TANC1: variants seen among roughly 807,000 people sequenced by gnomAD.
TANC1 encodes protein TANC1.
Under a neutral mutation model 149.7 loss-of-function variants are expected in TANC1, and 77 were observed. That is an observed-to-expected ratio of 0.51 (90% CI 0.43 to 0.62). The LOEUF (loss-of-function observed/expected upper bound fraction) is 0.62, where lower values mean the gene tolerates loss of function less well. Among genes scored for constraint, TANC1 ranks in the 20% least tolerant of loss-of-function variants. The probability of loss-of-function intolerance (pLI) is 0.00; values close to 1 mark genes in which losing one functional copy is unlikely to be tolerated. For synonymous variants in TANC1, 854 were observed against 925.0 expected, an observed-to-expected ratio of 0.92 and a Z score of 1.39; for missense variants, 1,985 against 2,321.8, an observed-to-expected ratio of 0.85 and a Z score of 2.98.
chr2:159,116,610 A>G (rs2048294724), intron 4 of TANC1, among the ~76,000 whole-genome samples: 1 of 152,208 alleles, frequency 6.6e-6, no homozygotes, highest in Non-Finnish European at 1.5e-5. Context: ...TAACTCTGCC[A>G]TCGTAGTACA....
At chr2:159,223,093 A>C (rs896475474) in intron 22 of TANC1, among the ~76,000 whole-genome samples, 2 of 151,966 alleles carry the variant, frequency 1.3e-5, no homozygotes, top group African/African-American at 4.8e-5. Context: ...TTTAGTAGAG[A>C]TGGGGTTTCA....
chr2:159,084,107 G>A (rs1040606749), intron 3 of TANC1, among the ~76,000 whole-genome samples: 10 of 152,098 alleles, frequency 6.6e-5, no homozygotes, highest in South Asian at 4.1e-4. Context: ...AAAATTAGCC[G>A]GGGGTGGTGG....
chr2:159,154,793 G>A (rs866754418), intron 7 of TANC1, among the ~76,000 whole-genome samples: 4 of 152,132 alleles, frequency 2.6e-5, no homozygotes, highest in Non-Finnish European at 4.4e-5. Context: ...TTACCTAGAA[G>A]TTGGTGTCTG....
Position 159,229,815 on chromosome 2 carries a change from A to C in TANC1, c.4389A>C (p.Glu1463Asp), listed in dbSNP as rs1171161170. 6.2e-7 allele frequency: 1 copy of C among 1,613,988 alleles called. No homozygotes were observed. Among genetic ancestry groups the C allele is most frequent in the Non-Finnish European group, 8.5e-7 (1 of 1,180,024 alleles). ...ACTCTGAGGAGACTGAAGAGGAAGA[A>C]ACTTCTCCCCAGGAAGAATCTGTTT... Reference protein sequence around the residue: ...HFHSEETEEEETSPQEESVSP... With the variant: ...HFHSEETEEEDTSPQEESVSP... The change falls in exon 27 of 27, where the codon GAA becomes GAC. Residue 1463 changes from glutamate (E) to aspartate (D), a missense_variant. By Grantham distance (45) the Glu-to-Asp change is conservative. Around this residue, in one of 3 missense-constraint regions of TANC1, gnomAD observed 920 missense variants for 994.7 expected, o/e 0.92. Transcript: ENST00000263635.
intron 2 of TANC1, among the ~76,000 whole-genome samples, chr2:159,049,312 G>A (rs536178038): frequency 8.1e-6 from 1 of 123,174 alleles, no homozygotes; most frequent in South Asian, 2.7e-4. Flanking sequence ...GTCCTTGGCA[G>A]TTGGTAGCCA....
intron 2 of TANC1, among the ~76,000 whole-genome samples, chr2:159,008,547 A>T (rs995709878): frequency 6.6e-6 from 1 of 152,186 alleles, no homozygotes; most frequent in African/African-American, 2.4e-5. Context: ...TGGTTTGCAT[A>T]CCCAAAACGT....
intron 3 of TANC1, among the ~76,000 whole-genome samples, chr2:159,080,470 C>A (rs751664677): frequency 1.8e-4 from 27 of 152,218 alleles, no homozygotes; most frequent in Non-Finnish European, 3.4e-4. Flanking sequence ...GTGGATAGAT[C>A]TTCCCACTCT....
chr2:159,092,611 T>C (rs375838821), intron 3 of TANC1, among the ~76,000 whole-genome samples: 1 of 152,248 alleles, frequency 6.6e-6, no homozygotes, highest in South Asian at 2.1e-4. Flanking sequence ...TGTATGCGTA[T>C]ATATTTTTAT....
chr2:159,163,303 G>A lies in TANC1; in HGVS notation c.703G>A (p.Glu235Lys), dbSNP rs199734656. 2.4e-4 allele frequency: 392 copies of A among 1,613,326 alleles called. 1 individual carries two copies. Among genetic ancestry groups the A allele is most frequent in the Non-Finnish European group, 2.8e-4 (335 of 1,179,678 alleles). ...GIIATITSSSENDDRSGSSLE... is the reference protein window; with the variant it reads ...GIIATITSSSKNDDRSGSSLE... The stretch of plus-strand genomic sequence containing the variant: ...TTCAGCCACAATTACAAGTTCATCC[G>A]AAAATGATGACCGGAGTGGCTCCAG... Residue 235 changes from glutamate (E) to lysine (K), a missense_variant, in exon 8 of 27, where the codon GAA becomes AAA. This residue lies in a region of TANC1 where 557 missense variants were observed against 612.9 expected (regional missense o/e 0.91). Coordinates refer to ENST00000263635, the MANE Select transcript of TANC1 (RefSeq NM_033394.3).
intron 3 of TANC1, among the ~76,000 whole-genome samples, chr2:159,066,768 A>C (rs1373880796): frequency 6.6e-6 from 1 of 152,114 alleles, no homozygotes; most frequent in African/African-American, 2.4e-5. Flanking sequence ...AGAACTACTT[A>C]ATTTGGCTTG....
At chr2:159,181,334 C>G (rs1362781346) in intron 14 of TANC1, among the ~76,000 whole-genome samples, 1 of 150,848 alleles carries the variant, frequency 6.6e-6, no homozygotes, top group East Asian at 1.9e-4. Flanking sequence ...GTCTCGCTGT[C>G]GCCCAGGCTA....
intron 2 of TANC1, among the ~76,000 whole-genome samples, chr2:159,035,049 G>A (rs1218014005): frequency 6.6e-6 from 1 of 152,186 alleles, no homozygotes; most frequent in Non-Finnish European, 1.5e-5. Flanking sequence ...TTGTCTTGTG[G>A]TCTGAGGAGG....
intron 2 of TANC1, chr2:159,004,385 T>C: frequency 7.8e-7 from 1 of 1,282,590 alleles, no homozygotes; most frequent in Non-Finnish European, 1.1e-6. Context: ...GGTTCCAAAG[T>C]TTTACAGACA....
At chr2:159,208,217 GTTGA>G (rs1253851328) in intron 19 of TANC1, among the ~76,000 whole-genome samples, 1 of 152,174 alleles carries the variant, frequency 6.6e-6, no homozygotes, top group African/African-American at 2.4e-5. Context: ...GTTGTGATAA[GTTGA>G]TTAATATTAT....
At chr2:159,095,588 T>C (rs2046019701) in intron 3 of TANC1, among the ~76,000 whole-genome samples, 2 of 151,984 alleles carry the variant, frequency 1.3e-5, no homozygotes, top group South Asian at 4.1e-4. Flanking sequence ...ATACAAAGAT[T>C]AGCCGGGTGT....
At chr2:159,160,699 G>A (rs1420230000) in intron 7 of TANC1, among the ~76,000 whole-genome samples, 1 of 152,120 alleles carries the variant, frequency 6.6e-6, no homozygotes, top group Non-Finnish European at 1.5e-5. Context: ...CAATGGAGTG[G>A]CTTCAGATTT....
At chr2:159,091,043 T>C (rs2045479554) in intron 3 of TANC1, among the ~76,000 whole-genome samples, 1 of 152,100 alleles carries the variant, frequency 6.6e-6, no homozygotes, top group African/African-American at 2.4e-5. Flanking sequence ...TGTTTTTTTT[T>C]TCTTCCCCTC....
At chr2:158,991,704 C>T (rs1464827902) in intron 1 of TANC1, among the ~76,000 whole-genome samples, 1 of 151,992 alleles carries the variant, frequency 6.6e-6, no homozygotes, top group Non-Finnish European at 1.5e-5. Context: ...TGATATCGCA[C>T]CACTGCACTC....
chr2:159,067,426 T>G (rs1267299570), intron 3 of TANC1, among the ~76,000 whole-genome samples: 1 of 152,184 alleles, frequency 6.6e-6, no homozygotes, highest in Non-Finnish European at 1.5e-5. Flanking sequence ...ATAGTTAACC[T>G]TAGAAAATCA....
Sources: gnomAD v4.1 joint callset for allele counts (sites outside exome capture counted in the v4.1 genomes callset) on GRCh38, gnomAD v4.1.1 for gene constraint, gnomAD v4.1.1 regional missense constraint, MANE v1.5 for transcripts, NCBI Gene and HGNC (gene_info 2026-07-23, HGNC 2026-07-21) for gene names.